DPCD: variants seen among roughly 807,000 people sequenced by gnomAD.
DPCD encodes deleted in primary ciliary dyskinesia homolog (mouse), also known as protein DPCD.
In DPCD, 20 loss-of-function variants were observed where a neutral mutation model predicts 26.4. The observed-to-expected ratio is 0.76, with a 90% CI of 0.53 to 1.10. DPCD has a LOEUF of 1.10. Ranked by LOEUF, DPCD falls within the 50% of genes least tolerant of loss-of-function variation. The pLI, the probability that DPCD is intolerant of heterozygous loss-of-function variation, is 0.00. For synonymous variants in DPCD, 97 were observed against 94.2 expected (o/e 1.03, Z -0.17); for missense variants, 202 against 253.9 (o/e 0.80, Z 1.39).
chr10:101,607,104 C>T (rs2063737801), intron 4 of DPCD, among the ~76,000 whole-genome samples: 1 of 152,108 alleles, frequency 6.6e-6, no homozygotes, highest in Admixed American at 6.5e-5. Flanking sequence ...ATTTTCCGGT[C>T]CCACTGCCCC....
At chr10:101,592,440 C>T (rs1171628176) in intron 1 of DPCD, among the ~76,000 whole-genome samples, 1 of 152,126 alleles carries the variant, frequency 6.6e-6, no homozygotes, top group Non-Finnish European at 1.5e-5. Flanking sequence ...AAGTTAAGGG[C>T]CAGGCGTGGT....
intron 2 of DPCD, among the ~76,000 whole-genome samples, chr10:101,598,266 G>A (rs565067609): frequency 2.0e-5 from 3 of 152,102 alleles, no homozygotes; most frequent in South Asian, 2.1e-4. Context: ...GCCCTAGGTC[G>A]TGAGGTAGTC....
intron 4 of DPCD, among the ~76,000 whole-genome samples, chr10:101,604,319 T>C (rs773159519): frequency 6.6e-6 from 1 of 152,232 alleles, no homozygotes; most frequent in Non-Finnish European, 1.5e-5. Flanking sequence ...TACTCAGACA[T>C]CTGCACTTCA....
At chr10:101,594,179 A>G (rs1486682820) in intron 1 of DPCD, among the ~76,000 whole-genome samples, 3 of 87,620 alleles carry the variant, frequency 3.4e-5, no homozygotes, top group African/African-American at 1.2e-4. Context: ...CTGAACACAT[A>G]GAGAGATAAA....
chr10:101,609,328 G>C, intron 5 of DPCD, 39 bp from the exon 6 acceptor site: 1 of 1,603,836 alleles, frequency 6.2e-7, no homozygotes, highest in South Asian at 1.1e-5. Context: ...AGATGGGACA[G>C]TGACTGAATT....
At chr10:101,593,607 T>C (rs894058495) in intron 1 of DPCD, among the ~76,000 whole-genome samples, 22 of 152,136 alleles carry the variant, frequency 1.4e-4, no homozygotes, top group African/African-American at 5.3e-4. Flanking sequence ...TCTTTTTTTT[T>C]AGACAGAGTC....
chr10:101,596,806 G>A (rs2063655144), intron 2 of DPCD, among the ~76,000 whole-genome samples: 1 of 151,814 alleles, frequency 6.6e-6, no homozygotes, highest in African/African-American at 2.4e-5. Flanking sequence ...TAGGGACATG[G>A]TTTTTGTGGC....
intron 2 of DPCD, among the ~76,000 whole-genome samples, chr10:101,595,583 C>A (rs1391105920): frequency 6.6e-6 from 1 of 152,172 alleles, no homozygotes. Context: ...GAGGGAATTT[C>A]TTTTTCCTTT....
intron 3 of DPCD, among the ~76,000 whole-genome samples, 160 bp from the exon 4 acceptor site, chr10:101,601,043 G>C (rs1419339398): frequency 6.6e-6 from 1 of 152,112 alleles, no homozygotes; most frequent in Admixed American, 6.5e-5. Flanking sequence ...ATCGTCCCAG[G>C]GCGGGGGCTC....
rs759842555 is a variant in DPCD, at chr10:101,608,842, A to C, written c.412A>C (p.Lys138Gln). 2 of 1,613,164 alleles carry C rather than the reference A, an allele frequency of 1.2e-6. No homozygotes were observed. Among genetic ancestry groups the C allele is most frequent in the Non-Finnish European group, 1.7e-6 (2 of 1,179,546 alleles). The change falls in exon 5 of 6, where the codon AAG (lysine) becomes CAG (glutamine). Residue 138 changes from lysine (K) to glutamine (Q), a missense_variant. Around this residue, in one of 3 missense-constraint regions of DPCD, gnomAD observed 118 missense variants for 145.1 expected, o/e 0.81. Coordinates refer to ENST00000370151, the MANE Select transcript of DPCD (RefSeq NM_015448.3). Reference protein sequence around the residue: ...IVRTTNKKYYKKFSIPDLDRH... With the variant: ...IVRTTNKKYYQKFSIPDLDRH... Reference sequence around the variant, plus strand: ...CTCTCGGTGTCCCCACAGGTACTACAAGAAGTTCTCCATTCCTGATCTAGA... The same window carrying C: ...CTCTCGGTGTCCCCACAGGTACTACCAGAAGTTCTCCATTCCTGATCTAGA...
intron 1 of DPCD, among the ~76,000 whole-genome samples, chr10:101,593,673 C>T (rs2063629295): frequency 6.6e-6 from 1 of 152,132 alleles, no homozygotes; most frequent in Non-Finnish European, 1.5e-5. Flanking sequence ...ACTGAAACCT[C>T]CGCCTCCCGG....
At chr10:101,601,463 T>C (rs1554922152) in intron 4 of DPCD, 127 bp downstream of exon 4, 1 of 318,576 alleles carries the variant, frequency 3.1e-6, no homozygotes, top group Non-Finnish European at 5.2e-6. Flanking sequence ...TTACAGGTAT[T>C]GGAAGGGCTT....
At chr10:101,589,047 C>T (rs965090358) in intron 1 of DPCD, among the ~76,000 whole-genome samples, 4 of 152,242 alleles carry the variant, frequency 2.6e-5, no homozygotes, top group African/African-American at 9.6e-5. Context: ...TAGGATTGGC[C>T]GATGCCGGCC....
intron 4 of DPCD, among the ~76,000 whole-genome samples, chr10:101,606,685 T>A (rs1181367722): frequency 6.6e-6 from 1 of 152,158 alleles, no homozygotes; most frequent in East Asian, 1.9e-4. Context: ...CAATAAATGT[T>A]TGCTGCCTAC....
rs1249378419 is a variant in DPCD, at chr10:101,603,937, T to C, written c.404+2601T>C. 2.0e-5 allele frequency among the ~76,000 whole-genome samples: 3 copies of C among 152,160 alleles called. No homozygotes were observed. Among genetic ancestry groups the C allele is most frequent in the Non-Finnish European group, 2.9e-5 (2 of 68,022 alleles). ...CTGGCCAAGTTTAAACAATTTTTTA[T>C]AGCGTTGAGGGTCTCTCCATTTTGC... On this transcript the variant is annotated intron_variant, in intron 4 of 5. Coordinates refer to ENST00000370151, the MANE Select transcript of DPCD (RefSeq NM_015448.3). The surrounding 1 kb of genome is among the most constrained non-coding windows in gnomAD (Gnocchi z 4.6).
At chr10:101,597,630 G>C (rs1383464746) in intron 2 of DPCD, among the ~76,000 whole-genome samples, 1 of 152,190 alleles carries the variant, frequency 6.6e-6, no homozygotes, top group African/African-American at 2.4e-5. Context: ...TCTTCACCGG[G>C]GTGGAAAGTC....
At chr10:101,599,124 C>A (rs1378314133) in intron 2 of DPCD, among the ~76,000 whole-genome samples, 1 of 152,184 alleles carries the variant, frequency 6.6e-6, no homozygotes, top group Non-Finnish European at 1.5e-5. Context: ...AAAGTAATTT[C>A]CTGCCTTATT....
rs753242714 is a variant in DPCD, at chr10:101,603,756, C to CAA, written c.404+2432_404+2433dup. On this transcript the variant is annotated intron_variant, in intron 4 of 5. Transcript: ENST00000370151. This position sits in a 1 kb window ranked among gnomAD's most constrained non-coding sequence, Gnocchi z 4.6. Reference sequence around the variant, plus strand: ...TGGGTGACAGAGTGAGACTCCATCTCAAAAAAAAAAAAAGAGATGGAGTCT... The same window carrying CAA: ...TGGGTGACAGAGTGAGACTCCATCTCAAAAAAAAAAAAAAAGAGATGGAGTCT... Among the ~76,000 whole-genome samples, 6 of 131,900 alleles carry CAA rather than the reference C, an allele frequency of 4.5e-5. No individual in the cohort carries two copies. The highest frequency in any genetic ancestry group is 8.3e-5 in the African/African-American group (3 of 35,948). The allele number at this position is 131,900 out of a possible 152,430, so 86.5% of individuals were successfully genotyped here.
chr10:101,606,844 T>C (rs954774463), intron 4 of DPCD, among the ~76,000 whole-genome samples: 1 of 151,920 alleles, frequency 6.6e-6, no homozygotes, highest in African/African-American at 2.4e-5. Context: ...GGGGTGGGCT[T>C]CCCCAGGAGG....
Sources: gnomAD v4.1 joint callset for allele counts (sites outside exome capture counted in the v4.1 genomes callset) on GRCh38, gnomAD v4.1.1 for gene constraint, gnomAD v4.1.1 regional missense constraint, Gnocchi (gnomAD v3.1) non-coding constraint, MANE v1.5 for transcripts, NCBI Gene and HGNC (gene_info 2026-07-23, HGNC 2026-07-21) for gene names.